The following NSMAF variants were observed in gnomAD, a reference collection of about 807,000 sequenced individuals.
NSMAF encodes neutral sphingomyelinase activation associated factor.
NSMAF carries 90 observed loss-of-function variants against 134.9 expected under a neutral mutation model. The ratio of observed to expected loss-of-function variants is 0.67; its 90% confidence interval spans 0.56 to 0.79. The LOEUF (loss-of-function observed/expected upper bound fraction) is 0.79, where lower values mean the gene tolerates loss of function less well. Among genes scored for constraint, NSMAF ranks in the 30% least tolerant of loss-of-function variants. The pLI, the probability that NSMAF is intolerant of heterozygous loss-of-function variation, is 0.00. For missense variants in NSMAF, 1,010 were observed against 1,119.0 expected (o/e 0.90, Z 1.39); for synonymous variants, 358 against 389.6 (o/e 0.92, Z 0.96).
At chr8:58,602,229 AG>A in intron 13 of NSMAF, 92 bp from the exon 14 acceptor site, 2 of 997,332 alleles carry the variant, frequency 2.0e-6, no homozygotes, top group Non-Finnish European at 3.0e-6. Context: ...CTTCCACAAA[AG>A]TTTTTTTAAA....
intron 12 of NSMAF, among the ~76,000 whole-genome samples, chr8:58,604,544 C>A (rs899073807): frequency 6.6e-5 from 8 of 121,216 alleles, no homozygotes; most frequent in African/African-American, 2.3e-4. Context: ...TATATAACTA[C>A]ATAGATATAT....
At chr8:58,592,780 AG>A (rs1165263054) in intron 23 of NSMAF, among the ~76,000 whole-genome samples, 1 of 152,002 alleles carries the variant, frequency 6.6e-6, no homozygotes, top group African/African-American at 2.4e-5. Context: ...CCAGCTACTC[AG>A]GAGGCTGAGG....
At chr8:58,603,121 T>C in intron 13 of NSMAF, 89 bp downstream of exon 13, 1 of 1,293,464 alleles carries the variant, frequency 7.7e-7, no homozygotes, top group Non-Finnish European at 1.1e-6. Flanking sequence ...ACATCACAAT[T>C]ATAAAATAGA....
intron 27 of NSMAF, 81 bp from the exon 28 acceptor site, chr8:58,586,689 T>A: frequency 1.8e-6 from 2 of 1,131,190 alleles, no homozygotes; most frequent in Non-Finnish European, 2.6e-6. Context: ...TTCAAATATG[T>A]AGTCATCATG....
chr8:58,624,984 T>C (rs1367730075), intron 6 of NSMAF, among the ~76,000 whole-genome samples: 4 of 152,200 alleles, frequency 2.6e-5, no homozygotes, highest in Non-Finnish European at 5.9e-5. Flanking sequence ...GACTGGGCCA[T>C]AGAGTGACCA....
At chr8:58,593,057 G>A (rs190061214) in intron 23 of NSMAF, among the ~76,000 whole-genome samples, 21 of 152,286 alleles carry the variant, frequency 1.4e-4, no homozygotes, top group Non-Finnish European at 2.2e-4. Context: ...TGTGCTGAAC[G>A]ATTTAACAAG....
intron 1 of NSMAF, among the ~76,000 whole-genome samples, chr8:58,645,266 T>TA (rs112213500): frequency 0.31 from 47,583 of 151,508 alleles, 7,905 homozygotes; most frequent in Non-Finnish European, 0.36. Context: ...TTTTTCTATT[T>TA]AAAAAAAAGT....
chr8:58,583,670 C>A lies in NSMAF; in HGVS notation c.*436G>T. On this transcript the variant is annotated 3_prime_UTR_variant, in exon 31 of 31. Transcript: ENST00000038176. ...GTAACCACGCTATGAAAACACACAC[C>A]CAAAACCCGATGGGTGGCAATTGTG... The A allele has an allele frequency of 4.6e-6, 1 of 217,800 alleles. No homozygotes were observed. The highest frequency in any genetic ancestry group is 9.1e-6 in the Non-Finnish European group (1 of 109,428). The allele number at this position is 217,800 out of a possible 1,614,324, so 13.5% of individuals were successfully genotyped here. A position where few individuals can be genotyped will look rare whatever the true frequency, so the allele number is the denominator to read the frequency against.
intron 25 of NSMAF, 193 bp from the exon 26 acceptor site, chr8:58,589,768 G>A: frequency 1.5e-6 from 1 of 660,814 alleles, no homozygotes; most frequent in Non-Finnish European, 2.4e-6. Flanking sequence ...TCCATGTCTG[G>A]CTCATCTGTT....
intron 14 of NSMAF, among the ~76,000 whole-genome samples, chr8:58,601,761 G>C (rs753123466): frequency 3.9e-5 from 6 of 152,062 alleles, no homozygotes; most frequent in Non-Finnish European, 5.9e-5. Context: ...CAAAATGTTG[G>C]CACTAGATTA....
chr8:58,631,981 C>T (rs1807065844), intron 5 of NSMAF, among the ~76,000 whole-genome samples: 1 of 152,056 alleles, frequency 6.6e-6, no homozygotes, highest in South Asian at 2.1e-4. Flanking sequence ...TGCACTGGGC[C>T]ACTGGTCCTT....
chr8:58,622,164 T>C (rs1303367932), intron 9 of NSMAF, among the ~76,000 whole-genome samples: 2 of 152,268 alleles, frequency 1.3e-5, no homozygotes, highest in East Asian at 3.9e-4. Flanking sequence ...AAGGAAGGAG[T>C]CTAGTTTCAA....
At chr8:58,651,030 T>C (rs1310906371) in intron 1 of NSMAF, among the ~76,000 whole-genome samples, 2 of 152,212 alleles carry the variant, frequency 1.3e-5, no homozygotes, top group Non-Finnish European at 1.5e-5. Context: ...TGGGGTTTCA[T>C]GGATTCCCCT....
chr8:58,599,606 C>G, intron 18 of NSMAF, 144 bp downstream of exon 18: 1 of 957,828 alleles, frequency 1.0e-6, no homozygotes, highest in South Asian at 1.7e-5. Context: ...TCATAGAATA[C>G]TTCTGATATG....
intron 23 of NSMAF, among the ~76,000 whole-genome samples, chr8:58,591,481 CT>C (rs1018380152): frequency 0.025 from 2,367 of 94,464 alleles, 19 homozygotes; most frequent in African/African-American, 0.083. Context: ...AGAAACCTTC[CT>C]TTTTTTTTTT....
intron 18 of NSMAF, 84 bp from the exon 19 acceptor site, chr8:58,599,447 G>T: frequency 6.9e-7 from 1 of 1,439,194 alleles, no homozygotes; most frequent in Non-Finnish European, 9.4e-7. Flanking sequence ...TGTATATAAA[G>T]CTTCTAGGAC....
intron 24 of NSMAF, 64 bp from the exon 25 acceptor site, chr8:58,590,138 G>T: frequency 2.1e-6 from 3 of 1,412,462 alleles, no homozygotes; most frequent in Non-Finnish European, 3.0e-6. Context: ...ACACAGTAAA[G>T]CTATCTTATA....
At chr8:58,615,153 T>C (rs928653705) in intron 9 of NSMAF, among the ~76,000 whole-genome samples, 3 of 152,150 alleles carry the variant, frequency 2.0e-5, no homozygotes, top group Admixed American at 6.5e-5. Context: ...ACATTACGCA[T>C]CTTAATGTAT....
At chr8:58,585,317 G>GTTATTTTTTTTTTTTTTT (rs1554572269) in intron 30 of NSMAF, among the ~76,000 whole-genome samples, 5 of 144,324 alleles carry the variant, frequency 3.5e-5, no homozygotes, top group African/African-American at 1.3e-4. Flanking sequence ...TTGTTTCTGG[G>GTTATTTTTTTTTTTTTTT]TTTTTTTTTT....
Sources: allele counts gnomAD v4.1 joint callset (sites outside exome capture counted in the v4.1 genomes callset), GRCh38; gene constraint gnomAD v4.1.1; transcripts MANE v1.5; gene names NCBI Gene and HGNC (gene_info 2026-07-23, HGNC 2026-07-21).